DHX29: variants seen among roughly 807,000 people sequenced by gnomAD.
DHX29 encodes ATP-dependent RNA helicase DHX29.
In DHX29, 79 loss-of-function variants were observed where a neutral mutation model predicts 167.9. That is an observed-to-expected ratio of 0.47 (90% CI 0.39 to 0.57). The LOEUF (loss-of-function observed/expected upper bound fraction) is 0.57. Among genes scored for constraint, DHX29 ranks in the 20% least tolerant of loss-of-function variants. The pLI, the probability that DHX29 is intolerant of heterozygous loss-of-function variation, is 0.00. For missense variants in DHX29, 1,347 were observed against 1,593.4 expected, an observed-to-expected ratio of 0.85 and a Z score of 2.63; for synonymous variants, 530 against 546.0, an observed-to-expected ratio of 0.97 and a Z score of 0.41.
At position 55,290,267 on chromosome 5, in the gene DHX29, G is replaced by A. The variant is rs758940544; in HGVS notation, c.858C>T (p.Asn286=). The change falls in exon 7 of 27, where the codon AAC becomes AAT. Residue 286 remains asparagine, a synonymous_variant. Coordinates refer to ENST00000251636, the MANE Select transcript of DHX29 (RefSeq NM_019030.4). ...CCTGAGCCTCTTTTTGGCCTTGCTT[G>A]TTTTTTTCTAGTTTAAAGGTAGCTG... ...EQAATFKLEK[N]KQGQKEAQEK... is the part of the protein sequence containing the mutation. 3.1e-6 allele frequency: 5 copies of A among 1,610,552 alleles called. No homozygotes were observed. Among genetic ancestry groups the A allele is most frequent in the Non-Finnish European group, 4.2e-6 (5 of 1,179,144 alleles).
At position 55,304,620 on chromosome 5, in the gene DHX29, C is replaced by A. The variant is rs948079356; in HGVS notation, c.187+2767G>T. Among the ~76,000 whole-genome samples the A allele has an allele frequency of 5.9e-5, 9 of 151,944 alleles. 1 individual carries two copies. In the East Asian group the frequency reaches 1.5e-3, roughly 26 times the overall value. Reference sequence around the variant, plus strand: ...TAGCCACCTTCTTATATGATGCCTTCCTTCCCTGACCATCCTATTTAATAC... The same window carrying A: ...TAGCCACCTTCTTATATGATGCCTTACTTCCCTGACCATCCTATTTAATAC... On this transcript the variant is annotated intron_variant, in intron 1 of 26. Coordinates refer to ENST00000251636, the MANE Select transcript of DHX29 (RefSeq NM_019030.4).
At chr5:55,290,078 T>A (rs1032456179) in intron 7 of DHX29, 140 bp downstream of exon 7, 16 of 1,013,312 alleles carry the variant, frequency 1.6e-5, no homozygotes, top group Non-Finnish European at 2.2e-5. Flanking sequence ...TTACTACTTA[T>A]TATTTTAAAA....
At position 55,276,345 on chromosome 5, in the gene DHX29, T is replaced by C. The variant is rs1747114670; in HGVS notation, c.2348A>G (p.Tyr783Cys). The change falls in exon 14 of 27, where the codon TAT (tyrosine) becomes TGT (cysteine). Residue 783 changes from tyrosine (Y) to cysteine (C), a missense_variant. Physicochemically the swap from Tyr to Cys is radical, Grantham distance 194. Transcript: ENST00000251636. ...TGFVLEKDSE[Y>C]CQKFLEEEEE... is the part of the protein sequence containing the mutation. Reference sequence around the variant, plus strand: ...TTCCTCTTCCAGAAATTTCTGACAATATTCTGAGTCTTTTTCCAGTACAAA... The same window carrying C: ...TTCCTCTTCCAGAAATTTCTGACAACATTCTGAGTCTTTTTCCAGTACAAA... 6.2e-7 allele frequency: 1 copy of C among 1,604,446 alleles called. No homozygotes were observed. The highest frequency in any genetic ancestry group is 1.1e-5 in the South Asian group (1 of 89,148).
intron 6 of DHX29, among the ~76,000 whole-genome samples, chr5:55,291,800 A>T (rs1262349981): frequency 2.0e-5 from 3 of 152,150 alleles, no homozygotes; most frequent in African/African-American, 7.2e-5. Flanking sequence ...GGCATATTTC[A>T]CTTAGCATAA....
intron 25 of DHX29, 33 bp from the exon 26 acceptor site, chr5:55,259,977 C>G (rs1390780627): frequency 7.8e-7 from 1 of 1,277,446 alleles, no homozygotes; most frequent in African/African-American, 1.5e-5. Context: ...TGGACAAAGT[C>G]AATCCAGGGC....
intron 6 of DHX29, 89 bp from the exon 7 acceptor site, chr5:55,290,433 GA>G (rs1388887526): frequency 1.4e-6 from 2 of 1,393,324 alleles, no homozygotes; most frequent in Non-Finnish European, 1.9e-6. Context: ...CAAAATCTGT[GA>G]TATTTTTACC....
At chr5:55,277,350 A>G (rs1747170167) in intron 12 of DHX29, 68 bp from the exon 13 acceptor site, 7 of 1,023,146 alleles carry the variant, frequency 6.8e-6, no homozygotes, top group Non-Finnish European at 9.9e-6. Context: ...GGCTTGAACA[A>G]TCAGACACCC....
Position 55,276,376 on chromosome 5 carries a change from T to C in DHX29, c.2317A>G (p.Thr773Ala). The change falls in exon 14 of 27, where the codon ACA becomes GCA. Residue 773 changes from threonine to alanine, a missense_variant. Physicochemically the swap from Thr to Ala is moderately conservative, Grantham distance 58. Transcript: ENST00000251636. ...VFHLEDIIEE[T>A]GFVLEKDSEY... ...GAGTCTTTTTCCAGTACAAAGCCTG[T>C]TTCTTCTATTATATCTTCAAGATGA... The C allele has an allele frequency of 6.3e-7, 1 of 1,596,888 alleles. No homozygotes were observed.
chr5:55,287,673 A>T (rs1747808093), intron 8 of DHX29, among the ~76,000 whole-genome samples: 1 of 152,022 alleles, frequency 6.6e-6, no homozygotes, highest in Non-Finnish European at 1.5e-5. Flanking sequence ...GTGTGGCCAG[A>T]TGCGGTGGCT....
chr5:55,289,148 T>C (rs1272940882), intron 8 of DHX29, 122 bp downstream of exon 8: 4 of 1,103,076 alleles, frequency 3.6e-6, no homozygotes, highest in African/African-American at 3.3e-5. Context: ...GCTTATAAAG[T>C]GTAACTTCAC....
chr5:55,294,275 A>G, intron 5 of DHX29, 130 bp from the exon 6 acceptor site: 1 of 866,274 alleles, frequency 1.2e-6, no homozygotes, highest in Non-Finnish European at 1.7e-6. Context: ...CTTATTGCTC[A>G]GTGAAGGACA....
Position 55,289,393 on chromosome 5 carries a change from G to T in DHX29, c.943C>A (p.Pro315Thr). ...TGTTGATGTGAAATCTTCATGGCTG[G>T]GTTAAATACTGGATGGTCTTCTAAA... ...ETLEDHPVFN[P>T]AMKISHQQNE... Residue 315 changes from proline (P) to threonine (T), a missense_variant, in exon 8 of 27, where the codon CCA becomes ACA. This residue lies in a region of DHX29 where 405 missense variants were observed against 416.8 expected (regional missense o/e 0.97). Transcript: ENST00000251636. The T allele has an allele frequency of 6.3e-7, 1 of 1,585,744 alleles. No individual in the cohort carries two copies. Among genetic ancestry groups the T allele is most frequent in the East Asian group, 2.3e-5 (1 of 43,260 alleles).
At chr5:55,275,202 T>C (rs755839204) in intron 14 of DHX29, among the ~76,000 whole-genome samples, 192 bp from the exon 15 acceptor site, 1 of 152,196 alleles carries the variant, frequency 6.6e-6, no homozygotes, top group Non-Finnish European at 1.5e-5. Flanking sequence ...ATCATCTCTG[T>C]CCTATAATTT....
At chr5:55,273,551 C>G (rs905222323) in intron 16 of DHX29, 174 bp from the exon 17 acceptor site, 39 of 712,462 alleles carry the variant, frequency 5.5e-5, no homozygotes, top group Non-Finnish European at 7.2e-5. Flanking sequence ...ACATGCATCA[C>G]AAAGAATATA....
chr5:55,269,747 G>A, intron 20 of DHX29, 110 bp from the exon 21 acceptor site: 1 of 845,678 alleles, frequency 1.2e-6, no homozygotes, highest in Non-Finnish European at 1.9e-6. Context: ...AGCAAAGAGG[G>A]TAAAATGTGA....
chr5:55,277,534 T>A (rs1747178980), intron 12 of DHX29, among the ~76,000 whole-genome samples: 1 of 150,866 alleles, frequency 6.6e-6, no homozygotes, highest in Non-Finnish European at 1.5e-5. Context: ...AGCATGACTC[T>A]ACCCTAGGAG....
intron 14 of DHX29, 49 bp downstream of exon 14, chr5:55,276,217 A>C: frequency 8.6e-4 from 1,090 of 1,263,496 alleles, no homozygotes; most frequent in Non-Finnish European, 1.1e-3. Flanking sequence ...GTGGCAGGTT[A>C]GGCCCTGGAT....
intron 1 of DHX29, among the ~76,000 whole-genome samples, chr5:55,300,085 A>C (rs1340629555): frequency 1.3e-5 from 2 of 152,202 alleles, no homozygotes; most frequent in Non-Finnish European, 2.9e-5. Flanking sequence ...AAAAATAATA[A>C]ATCTGGCCAG....
chr5:55,290,630 A>T (rs1747994408), intron 6 of DHX29, among the ~76,000 whole-genome samples: 1 of 152,222 alleles, frequency 6.6e-6, no homozygotes, highest in African/African-American at 2.4e-5. Context: ...AAGGTTAGCA[A>T]AAGAAAGAGG....
Sources: gnomAD v4.1 joint callset for allele counts (sites outside exome capture counted in the v4.1 genomes callset) on GRCh38, gnomAD v4.1.1 for gene constraint, gnomAD v4.1.1 regional missense constraint, MANE v1.5 for transcripts, NCBI Gene and HGNC (gene_info 2026-07-23, HGNC 2026-07-21) for gene names.